The following SLC35F5 variants were observed in gnomAD, a reference collection of about 807,000 sequenced individuals.
The protein encoded by SLC35F5 is solute carrier family 35 member F5.
Under a neutral mutation model 68.6 loss-of-function variants are expected in SLC35F5, and 54 were observed. That is an observed-to-expected ratio of 0.79 (90% CI 0.63 to 0.99). SLC35F5 has a LOEUF of 0.99. Among genes scored for constraint, SLC35F5 ranks in the 50% least tolerant of loss-of-function variants. SLC35F5 has a pLI of 0.00. For missense variants in SLC35F5, 567 were observed against 626.9 expected, an observed-to-expected ratio of 0.90 and a Z score of 1.02; for synonymous variants, 211 against 205.2, an observed-to-expected ratio of 1.03 and a Z score of -0.24.
rs928763263 is a variant in SLC35F5, at chr2:113,755,254, C to T, written c.184G>A (p.Gly62Ser). The T allele has an allele frequency of 6.2e-7, 1 of 1,613,980 alleles. No individual in the cohort carries two copies. Among genetic ancestry groups the T allele is most frequent in the African/African-American group, 1.3e-5 (1 of 74,876 alleles). The stretch of plus-strand genomic sequence containing the variant: ...GCCATTCGCCTGCGCTGAGTGAAAC[C>T]ACTGTTCTGGGAATTCATTCGGTTC... ...VMNRMNSQNS[G>S]FTQRRRMALG... Residue 62 changes from glycine to serine, a missense_variant, in exon 3 of 16, where the codon GGT (glycine) becomes AGT (serine). Gly to Ser is a moderately conservative substitution (Grantham distance 56). Coordinates refer to ENST00000245680, the MANE Select transcript of SLC35F5 (RefSeq NM_025181.5).
At chr2:113,750,702 A>G (rs1048655723) in intron 3 of SLC35F5, 134 bp from the exon 4 acceptor site, 19 of 736,562 alleles carry the variant, frequency 2.6e-5, no homozygotes, top group African/African-American at 9.2e-5. Context: ...AGCGATTACA[A>G]AAGTATTTTA....
At chr2:113,744,875 A>G (rs1676425917) in intron 5 of SLC35F5, among the ~76,000 whole-genome samples, 1 of 152,208 alleles carries the variant, frequency 6.6e-6, no homozygotes, top group Non-Finnish European at 1.5e-5. Flanking sequence ...ATTTTTAGGT[A>G]GTTATAAATT....
chr2:113,749,317 T>A (rs1221707584), intron 4 of SLC35F5, among the ~76,000 whole-genome samples: 1 of 152,180 alleles, frequency 6.6e-6, no homozygotes, highest in Non-Finnish European at 1.5e-5. Flanking sequence ...CTGAGCAACA[T>A]AGTGAGACAC....
In SLC35F5 at chr2:113,708,501, T is replaced by C. The variant is rs1480297834; in HGVS notation, c.*6717A>G. ...GTGTAGATCACTTGAGGTCAAGAGT[T>C]CAAGACCAACCTGGCCAACATGGTA... On this transcript the variant is annotated 3_prime_UTR_variant, in exon 16 of 16. Transcript: ENST00000245680. 7.2e-6 allele frequency among the ~76,000 whole-genome samples: 1 copy of C among 138,438 alleles called. No individual in the cohort carries two copies. Among genetic ancestry groups the C allele is most frequent in the Non-Finnish European group, 1.6e-5 (1 of 62,594 alleles). 90.8% of individuals were successfully genotyped at this position (138,438 alleles called of 152,430 possible). A position where few individuals can be genotyped will look rare whatever the true frequency, so the allele number is the denominator to read the frequency against.
chr2:113,730,508 G>A (rs1687839978), intron 10 of SLC35F5, among the ~76,000 whole-genome samples: 1 of 152,194 alleles, frequency 6.6e-6, no homozygotes, highest in African/African-American at 2.4e-5. Flanking sequence ...TCAAAGCACA[G>A]CTCACTGGGT....
At chr2:113,718,922 A>C in intron 14 of SLC35F5, among the ~76,000 whole-genome samples, 1 of 45,894 alleles carries the variant, frequency 2.2e-5, no homozygotes, top group East Asian at 2.9e-4. Flanking sequence ...AGAAAGAAAG[A>C]AAGAAAAAGA....
At position 113,725,398 on chromosome 2, in the gene SLC35F5, G is replaced by GAGTACTGTTCCAATA; in HGVS notation, c.1215_1229dup (p.Ile406_Leu410dup). Reference sequence around the variant, plus strand: ...CATACCACAACCACAGGAACTCTGAGAGTACTGTTCCAATAAGGCCATTAA... The same window carrying GAGTACTGTTCCAATA: ...CATACCACAACCACAGGAACTCTGAGAGTACTGTTCCAATAAGTACTGTTCCAATAAGGCCATTAA... On this transcript the variant is annotated inframe_insertion, in exon 12 of 16. Coordinates refer to ENST00000245680, the MANE Select transcript of SLC35F5 (RefSeq NM_025181.5). 1 of 1,603,034 alleles carries GAGTACTGTTCCAATA rather than the reference G, an allele frequency of 6.2e-7. No individual in the cohort carries two copies.
chr2:113,707,663 G>A lies in SLC35F5; in HGVS notation c.*7555C>T, dbSNP rs140454932. 6.6e-6 allele frequency among the ~76,000 whole-genome samples: 1 copy of A among 152,086 alleles called. No homozygotes were observed. The highest frequency in any genetic ancestry group is 6.6e-5 in the Admixed American group (1 of 15,262). ...CAACCTCTGCCTCTTGGGTTCAAGC[G>A]ATTCTCCTACCTCAGCCTCACAAGT... is the stretch of plus-strand genomic sequence containing the variant. On this transcript the variant is annotated 3_prime_UTR_variant, in exon 16 of 16. Transcript: ENST00000245680.
intron 7 of SLC35F5, among the ~76,000 whole-genome samples, chr2:113,741,278 G>T (rs1403223709): frequency 6.6e-6 from 1 of 152,152 alleles, no homozygotes; most frequent in Non-Finnish European, 1.5e-5. Flanking sequence ...AGGGGCTGGG[G>T]GTGGTGGGAA....
chr2:113,752,526 TA>T (rs1251007671), intron 3 of SLC35F5, among the ~76,000 whole-genome samples: 1 of 152,160 alleles, frequency 6.6e-6, no homozygotes, highest in African/African-American at 2.4e-5. Context: ...ATCAAGACTT[TA>T]CACCTAACTA....
chr2:113,716,964 T>C (rs1687206245), intron 15 of SLC35F5, among the ~76,000 whole-genome samples: 1 of 152,186 alleles, frequency 6.6e-6, no homozygotes, highest in Non-Finnish European at 1.5e-5. Flanking sequence ...TGTACAATGT[T>C]CTAGATAGGG....
At chr2:113,743,101 A>T (rs1676350400) in intron 6 of SLC35F5, among the ~76,000 whole-genome samples, 1 of 152,258 alleles carries the variant, frequency 6.6e-6, no homozygotes, top group South Asian at 2.1e-4. Context: ...AAGGTTTAAA[A>T]TGAGACCAAT....
rs764607158 is a variant in SLC35F5 at position 113,755,282 on chromosome 2, G to A, written c.156C>T (p.Val52=). ...TGTTCTGGGAATTCATTCGGTTCAT[G>A]ACAAATACACACACCATTTGCAGTC... is the stretch of plus-strand genomic sequence containing the variant. ...KTRLQMVCVF[V]MNRMNSQNSG... is the part of the protein sequence containing the mutation. Residue 52 remains valine, a synonymous_variant, in exon 3 of 16, where the codon GTC becomes GTT. Coordinates refer to ENST00000245680, the MANE Select transcript of SLC35F5 (RefSeq NM_025181.5). 6.2e-7 allele frequency: 1 copy of A among 1,614,132 alleles called. No individual in the cohort carries two copies. Among genetic ancestry groups the A allele is most frequent in the Admixed American group, 1.7e-5 (1 of 60,024 alleles).
At chr2:113,721,064 TATAA>T (rs941621611) in intron 13 of SLC35F5, among the ~76,000 whole-genome samples, 12 of 152,152 alleles carry the variant, frequency 7.9e-5, no homozygotes, top group Non-Finnish European at 1.3e-4. Context: ...ATAAAATGAT[TATAA>T]ATAGATTTAA....
chr2:113,756,619 A>ATGGCCGCGGAGGCCCGGAGATCTGCTC lies in SLC35F5; in HGVS notation c.-211_-210insGAGCAGATCTCCGGGCCTCCGCGGCCA. 1 of 1,331,418 alleles carries ATGGCCGCGGAGGCCCGGAGATCTGCTC rather than the reference A, an allele frequency of 7.5e-7. No individual in the cohort carries two copies. The highest frequency in any genetic ancestry group is 1.6e-5 in the African/African-American group (1 of 64,416). 82.5% of individuals were successfully genotyped at this position (1,331,418 alleles called of 1,614,324 possible). On this transcript the variant is annotated 5_prime_UTR_variant, in exon 1 of 16. Coordinates refer to ENST00000245680, the MANE Select transcript of SLC35F5 (RefSeq NM_025181.5). ...AGGGGAAGGGACGGCACAGTCAGCT[A>ATGGCCGCGGAGGCCCGGAGATCTGCTC]TGGCCGCGGAGGCCCGGAGATCTGC...
chr2:113,727,683 C>T (rs920647758), intron 11 of SLC35F5, among the ~76,000 whole-genome samples: 2 of 152,150 alleles, frequency 1.3e-5, no homozygotes, highest in Admixed American at 1.3e-4. Flanking sequence ...TGCTCACACT[C>T]CCTTGCCTGA....
At chr2:113,721,950 C>T (rs896388358) in intron 13 of SLC35F5, among the ~76,000 whole-genome samples, 3 of 147,788 alleles carry the variant, frequency 2.0e-5, no homozygotes, top group Non-Finnish European at 4.5e-5. Context: ...ATATAGAGCA[C>T]TAAGCATATT....
chr2:113,736,622 G>A (rs1688107554), intron 7 of SLC35F5, among the ~76,000 whole-genome samples: 1 of 151,964 alleles, frequency 6.6e-6, no homozygotes, highest in South Asian at 2.1e-4. Context: ...CTAGCTAGCT[G>A]GATTGAAAAA....
intron 7 of SLC35F5, 163 bp downstream of exon 7, chr2:113,742,529 T>G: frequency 1.5e-6 from 1 of 655,512 alleles, no homozygotes. Flanking sequence ...AAGCATTTAT[T>G]AATTTTGATA....
Sources: allele counts gnomAD v4.1 joint callset (sites outside exome capture counted in the v4.1 genomes callset), GRCh38; gene constraint gnomAD v4.1.1; transcripts MANE v1.5; gene names NCBI Gene and HGNC (gene_info 2026-07-23, HGNC 2026-07-21).